BTNL9: variants seen among roughly 807,000 people sequenced by gnomAD.
BTNL9 encodes butyrophilin like 9.
In BTNL9, 45 loss-of-function variants were observed where a neutral mutation model predicts 45.8. The ratio of observed to expected loss-of-function variants is 0.98; its 90% confidence interval spans 0.77 to 1.26. BTNL9 has a LOEUF of 1.26. Ranked by LOEUF, BTNL9 falls within the 50% of genes most tolerant of loss-of-function variation. BTNL9 has a pLI of 0.00. For missense variants in BTNL9, 784 were observed against 729.7 expected (o/e 1.07, Z -0.86); for synonymous variants, 346 against 330.8 (o/e 1.05, Z -0.50).
At chr5:181,056,785 A>G (rs936303684) in intron 9 of BTNL9, 4 of 577,460 alleles carry the variant, frequency 6.9e-6, no homozygotes, top group Non-Finnish European at 9.3e-6. Flanking sequence ...CCATGTGCCC[A>G]CATCTCATGT....
At chr5:181,049,332 A>G (rs1761407996) in intron 3 of BTNL9, among the ~76,000 whole-genome samples, 1 of 152,212 alleles carries the variant, frequency 6.6e-6, no homozygotes, top group Non-Finnish European at 1.5e-5. Flanking sequence ...CCAAGCATAA[A>G]AGCTGAGTAT....
At chr5:181,051,746 G>C (rs1761551317) in intron 4 of BTNL9, among the ~76,000 whole-genome samples, 1 of 114,206 alleles carries the variant, frequency 8.8e-6, no homozygotes, top group Admixed American at 8.7e-5. Context: ...TAAGAGAGGG[G>C]AAGAGGAAAG....
intron 6 of BTNL9, chr5:181,054,003 C>G: frequency 6.5e-7 from 1 of 1,537,932 alleles, no homozygotes; most frequent in African/African-American, 1.4e-5. Context: ...TTCACACTAG[C>G]AGGAGGGAGG....
At position 181,048,021 on chromosome 5, in the gene BTNL9, G is replaced by A. The variant is rs1303330771; in HGVS notation, c.204G>A (p.Gln68=). Residue 68 remains glutamine, a synonymous_variant, in exon 3 of 11, where the codon CAG becomes CAA. Transcript: ENST00000327705. ...PCHLWPQLDA[Q]QMEIRWFRSQ... is the part of the protein sequence containing the mutation. Reference sequence around the variant, plus strand: ...ACCTATGGCCACAGCTGGATGCCCAGCAAATGGAGATCCGCTGGTTCCGGA... The same window carrying A: ...ACCTATGGCCACAGCTGGATGCCCAACAAATGGAGATCCGCTGGTTCCGGA... 4 of 1,613,722 alleles carry A rather than the reference G, an allele frequency of 2.5e-6. No homozygotes were observed. The highest frequency in any genetic ancestry group is 3.4e-6 in the Non-Finnish European group (4 of 1,180,030).
chr5:181,046,929 C>T (rs1054055625), intron 2 of BTNL9, among the ~76,000 whole-genome samples: 6 of 151,988 alleles, frequency 3.9e-5, no homozygotes, highest in Admixed American at 6.6e-5. Flanking sequence ...GAGAGACAGC[C>T]GGAGAGAACC....
At chr5:181,045,699 A>T (rs1406795586) in intron 2 of BTNL9, 101 bp downstream of exon 2, 2 of 911,828 alleles carry the variant, frequency 2.2e-6, no homozygotes, top group Admixed American at 4.0e-5. Context: ...GGCGTGCCAG[A>T]CGCTAAAATA....
At chr5:181,058,584 C>G (rs1761998705) in intron 10 of BTNL9, among the ~76,000 whole-genome samples, 2 of 152,114 alleles carry the variant, frequency 1.3e-5, no homozygotes. Context: ...ACGTGAGCTC[C>G]CAAACACATC....
intron 10 of BTNL9, 87 bp from the exon 11 acceptor site, chr5:181,059,150 A>G: frequency 7.1e-7 from 1 of 1,405,790 alleles, no homozygotes; most frequent in Non-Finnish European, 9.2e-7. Flanking sequence ...TTCCACCAAG[A>G]GAAACGAGAG....
intron 7 of BTNL9, 176 bp downstream of exon 7, chr5:181,054,435 G>T: frequency 1.0e-6 from 1 of 985,404 alleles, no homozygotes; most frequent in Non-Finnish European, 1.2e-6. Flanking sequence ...CTGCCACCGT[G>T]CAGCTGCCCG....
In BTNL9 at chr5:181,055,809, A is replaced by C. The variant is rs781551944; in HGVS notation, c.929-180A>C. On this transcript the variant is annotated intron_variant, in intron 8 of 10. Transcript: ENST00000327705. This position sits in a 1 kb window ranked among gnomAD's most constrained non-coding sequence, Gnocchi z 4.4. Reference sequence around the variant, plus strand: ...TATTTCTCCTCATTCATCATTTTGCATCTGATTCCCCATATATCTTCTTCT... The same window carrying C: ...TATTTCTCCTCATTCATCATTTTGCCTCTGATTCCCCATATATCTTCTTCT... 2 of 769,638 alleles carry C rather than the reference A, an allele frequency of 2.6e-6. No individual in the cohort carries two copies. The highest frequency in any genetic ancestry group is 4.7e-6 in the Non-Finnish European group (2 of 423,600). 47.7% of individuals were successfully genotyped at this position (769,638 alleles called of 1,614,324 possible).
Position 181,055,891 on chromosome 5 carries a change from G to T in BTNL9, c.929-98G>T, listed in dbSNP as rs753715689. On this transcript the variant is annotated intron_variant, in intron 8 of 10. Coordinates refer to ENST00000327705, the MANE Select transcript of BTNL9 (RefSeq NM_152547.5). The surrounding 1 kb of genome is among the most constrained non-coding windows in gnomAD (Gnocchi z 4.4). ...GACCCCTGCTGGCTATGTGGGTGGT[G>T]GGGGGTGCGGGACAGGGTGGGTGCA... The T allele has an allele frequency of 1.4e-6, 2 of 1,403,420 alleles. No homozygotes were observed. Among genetic ancestry groups the T allele is most frequent in the Admixed American group, 1.7e-5 (1 of 59,700 alleles). The allele number at this position is 1,403,420 out of a possible 1,614,324, so 86.9% of individuals were successfully genotyped here. A position where few individuals can be genotyped will look rare whatever the true frequency, so the allele number is the denominator to read the frequency against.
chr5:181,059,738 A>G lies in BTNL9; in HGVS notation c.1484A>G (p.Glu495Gly). 1 of 1,612,970 alleles carries G rather than the reference A, an allele frequency of 6.2e-7. No individual in the cohort carries two copies. The highest frequency in any genetic ancestry group is 8.5e-7 in the Non-Finnish European group (1 of 1,179,916). ...AGGCCCAGGGCCCACGACGGCGGCG[A>G]ACATCCGGATCCCCTGACCATCTGC... is the stretch of plus-strand genomic sequence containing the variant. Reference protein sequence around the residue: ...YFRPRAHDGGEHPDPLTICPL... With the variant: ...YFRPRAHDGGGHPDPLTICPL... The change falls in exon 11 of 11, where the codon GAA (glutamate) becomes GGA (glycine). Residue 495 changes from glutamate (E) to glycine (G), a missense_variant. Transcript: ENST00000327705.
intron 1 of BTNL9, chr5:181,043,399 G>A (rs965025280): frequency 6.6e-6 from 1 of 152,116 alleles, no homozygotes; most frequent in South Asian, 2.1e-4. Flanking sequence ...GCACTTCCAC[G>A]GTTCTGGAAC....
chr5:181,047,391 C>A, intron 2 of BTNL9: 1 of 637,432 alleles, frequency 1.6e-6, no homozygotes, highest in Non-Finnish European at 2.0e-6. Flanking sequence ...TTTTGATACC[C>A]TTTGTAGAAG....
In BTNL9 at chr5:181,060,293, C is replaced by T. The variant is rs530303305; in HGVS notation, c.*431C>T. 9.4e-5 allele frequency: 15 copies of T among 159,104 alleles called. No individual in the cohort carries two copies. The highest frequency in any genetic ancestry group is 1.9e-4 in the Non-Finnish European group (14 of 73,156). 9.9% of individuals were successfully genotyped at this position (159,104 alleles called of 1,614,324 possible). ...TAACACTTCGTAAGCAACGAGTTCA[C>T]CTAAGTAAGGCTCAGATCCTAGTTT... On this transcript the variant is annotated 3_prime_UTR_variant, in exon 11 of 11. Coordinates refer to ENST00000327705, the MANE Select transcript of BTNL9 (RefSeq NM_152547.5).
rs1164573806 is a variant in BTNL9 at position 181,055,081 on chromosome 5, C to T, written c.908-352C>T. 9.1e-7 allele frequency: 1 copy of T among 1,102,614 alleles called. No individual in the cohort carries two copies. Among genetic ancestry groups the T allele is most frequent in the East Asian group, 5.5e-5 (1 of 18,330 alleles). 68.3% of individuals were successfully genotyped at this position (1,102,614 alleles called of 1,614,324 possible). A position where few individuals can be genotyped will look rare whatever the true frequency, so the allele number is the denominator to read the frequency against. On this transcript the variant is annotated intron_variant, in intron 7 of 10. Transcript: ENST00000327705. This position sits in a 1 kb window ranked among gnomAD's most constrained non-coding sequence, Gnocchi z 4.4. ...GTGACCGTGAGGCTCACGTAGGCGG[C>T]CCTCAGTGCCTGCACTTAGGCGGGA...
Position 181,060,097 on chromosome 5 carries a change from A to T in BTNL9, c.*235A>T. The T allele has an allele frequency of 1.9e-6, 1 of 517,098 alleles. No individual in the cohort carries two copies. The highest frequency in any genetic ancestry group is 3.4e-6 in the Non-Finnish European group (1 of 295,796). 32.0% of individuals were successfully genotyped at this position (517,098 alleles called of 1,614,324 possible). A position where few individuals can be genotyped will look rare whatever the true frequency, so the allele number is the denominator to read the frequency against. On this transcript the variant is annotated 3_prime_UTR_variant, in exon 11 of 11. Transcript: ENST00000327705. ...TGTGGGACTGAGCGAAGGAGTACAA[A>T]TATATCCACGTCGCTCAGAGCTGGG...
chr5:181,058,556 G>A (rs1282768875), intron 10 of BTNL9, among the ~76,000 whole-genome samples, 178 bp downstream of exon 10: 4 of 152,170 alleles, frequency 2.6e-5, no homozygotes, highest in Admixed American at 6.5e-5. Flanking sequence ...GCCTGCATGT[G>A]TATGCACACA....
chr5:181,044,778 C>T (rs1401314852), intron 1 of BTNL9, among the ~76,000 whole-genome samples: 1 of 152,068 alleles, frequency 6.6e-6, no homozygotes, highest in Non-Finnish European at 1.5e-5. Context: ...CCTCCTGGGT[C>T]ATAGATGAGG....
Sources: allele counts gnomAD v4.1 joint callset (sites outside exome capture counted in the v4.1 genomes callset), GRCh38; gene constraint gnomAD v4.1.1; non-coding constraint Gnocchi (gnomAD v3.1); transcripts MANE v1.5; gene names NCBI Gene and HGNC (gene_info 2026-07-23, HGNC 2026-07-21).